LRRC4C: variants seen among roughly 807,000 people sequenced by gnomAD.
LRRC4C encodes leucine rich repeat containing 4C.
Under a neutral mutation model 33.6 loss-of-function variants are expected in LRRC4C, and 5 were observed. The ratio of observed to expected loss-of-function variants is 0.15; its 90% CI spans 0.08 to 0.31. The LOEUF (loss-of-function observed/expected upper bound fraction) is 0.31, where lower values mean the gene tolerates loss of function less well. Ranked by LOEUF, LRRC4C falls within the 10% of genes least tolerant of loss-of-function variation. The probability of loss-of-function intolerance (pLI) is 1.00; values close to 1 mark genes in which losing one functional copy is unlikely to be tolerated. For missense variants in LRRC4C, 560 were observed against 796.7 expected (o/e 0.70, Z 3.58); for synonymous variants, 329 against 302.0 (o/e 1.09, Z -0.93).
At chr11:40,630,961 G>C (rs533349754) in intron 3 of LRRC4C, among the ~76,000 whole-genome samples, 1 of 152,142 alleles carries the variant, frequency 6.6e-6, no homozygotes, top group Non-Finnish European at 1.5e-5. Flanking sequence ...AAATGTAAAA[G>C]AAATTTTATT....
chr11:40,457,642 A>G (rs890144916), intron 3 of LRRC4C, among the ~76,000 whole-genome samples: 16 of 151,630 alleles, frequency 1.1e-4, no homozygotes, highest in African/African-American at 3.4e-4. Flanking sequence ...ATAGTTTAAT[A>G]GCTGCCAGAG....
At chr11:40,829,776 C>G (rs929186194) in intron 2 of LRRC4C, among the ~76,000 whole-genome samples, 1 of 151,990 alleles carries the variant, frequency 6.6e-6, no homozygotes, top group Non-Finnish European at 1.5e-5. Flanking sequence ...CATTATCTAT[C>G]AACCACTGTG....
chr11:41,099,906 T>C (rs1416138374), intron 1 of LRRC4C, among the ~76,000 whole-genome samples: 1 of 152,138 alleles, frequency 6.6e-6, no homozygotes, highest in Non-Finnish European at 1.5e-5. Flanking sequence ...CTATCTCTCT[T>C]TGTAGATGAC....
intron 1 of LRRC4C, among the ~76,000 whole-genome samples, chr11:41,211,829 C>A (rs1946835956): frequency 6.6e-6 from 1 of 152,080 alleles, no homozygotes. Flanking sequence ...GATTTATATT[C>A]CTTTGGGTAT....
intron 2 of LRRC4C, among the ~76,000 whole-genome samples, chr11:40,783,489 A>T (rs1414384940): frequency 1.3e-5 from 2 of 151,698 alleles, no homozygotes; most frequent in African/African-American, 4.8e-5. Flanking sequence ...TTTTATTTTT[A>T]GTAGAAATGA....
At chr11:41,009,845 C>T (rs1855042652) in intron 1 of LRRC4C, among the ~76,000 whole-genome samples, 1 of 151,954 alleles carries the variant, frequency 6.6e-6, no homozygotes, top group Non-Finnish European at 1.5e-5. Context: ...GTCCTAATCC[C>T]CAGGACTTCA....
intron 1 of LRRC4C, among the ~76,000 whole-genome samples, chr11:41,400,663 T>G (rs1464379709): frequency 6.6e-6 from 1 of 151,866 alleles, no homozygotes; most frequent in East Asian, 1.9e-4. Context: ...GAAAATAAGA[T>G]TCACAATACA....
chr11:40,916,360 T>C (rs1323212567), intron 2 of LRRC4C, among the ~76,000 whole-genome samples: 1 of 152,204 alleles, frequency 6.6e-6, no homozygotes, highest in Non-Finnish European at 1.5e-5. Context: ...TGGAATACTA[T>C]GCAGCCATGA....
chr11:41,281,637 A>G lies in LRRC4C; in HGVS notation c.-496+177794T>C, dbSNP rs115184413. On this transcript the variant is annotated intron_variant, in intron 1 of 6. Transcript: ENST00000528697. ...TCATGTGGGAGAGGATTTAAAATTA[A>G]CAATGCCTAAGGTTCATGCCCAAAG... is the stretch of plus-strand genomic sequence containing the variant. Among the ~76,000 whole-genome samples, 1,092 of 152,336 alleles carry G rather than the reference A, an allele frequency of 7.2e-3. 10 individuals are homozygous for G. The highest frequency in any genetic ancestry group is 0.024 in the African/African-American group (1,000 of 41,586).
Position 41,032,590 on chromosome 11 carries a change from G to A in LRRC4C, c.-495-98867C>T, listed in dbSNP as rs557134924. Among the ~76,000 whole-genome samples the A allele has an allele frequency of 2.6e-4, 39 of 151,948 alleles. No homozygotes were observed. In the South Asian group the frequency reaches 4.8e-3, roughly 19 times the overall value. ...TTTTCCAAAATTGGTTCATCAATGG[G>A]TCTGACTGGCCCAATGTCACTTTAT... On this transcript the variant is annotated intron_variant, in intron 1 of 6. Coordinates refer to ENST00000528697, the MANE Select transcript of LRRC4C (RefSeq NM_001258419.2).
intron 3 of LRRC4C, among the ~76,000 whole-genome samples, chr11:40,399,162 A>T (rs141489139): frequency 6.6e-6 from 1 of 152,172 alleles, no homozygotes; most frequent in Non-Finnish European, 1.5e-5. Flanking sequence ...ATACCATCTG[A>T]CCCAGCCATC....
chr11:40,233,829 T>C (rs1450950975), intron 5 of LRRC4C, among the ~76,000 whole-genome samples: 1 of 152,214 alleles, frequency 6.6e-6, no homozygotes, highest in African/African-American at 2.4e-5. Flanking sequence ...GTTCACTTGG[T>C]CTGAAGATTA....
chr11:41,312,005 C>T (rs1950655058), intron 1 of LRRC4C, among the ~76,000 whole-genome samples: 1 of 152,148 alleles, frequency 6.6e-6, no homozygotes, highest in Admixed American at 6.5e-5. Flanking sequence ...ATAGCAAGAG[C>T]TCAAAGACCG....
chr11:40,449,295 T>G (rs937764028), intron 3 of LRRC4C, among the ~76,000 whole-genome samples: 7 of 151,578 alleles, frequency 4.6e-5, no homozygotes, highest in African/African-American at 1.7e-4. Flanking sequence ...TTTTTTGGTT[T>G]CTTTTTGCTA....
chr11:40,528,412 T>C (rs983435361), intron 3 of LRRC4C, among the ~76,000 whole-genome samples: 15 of 151,914 alleles, frequency 9.9e-5, no homozygotes, highest in African/African-American at 3.6e-4. Context: ...ACATCACTAA[T>C]CATTAGCAAA....
intron 1 of LRRC4C, among the ~76,000 whole-genome samples, chr11:41,436,232 C>T: frequency 6.6e-6 from 1 of 152,062 alleles, no homozygotes; most frequent in Admixed American, 6.6e-5. Context: ...TATAGAAGAC[C>T]CAGGAACAGT....
intron 2 of LRRC4C, among the ~76,000 whole-genome samples, chr11:40,817,414 G>A (rs1951751526): frequency 6.6e-6 from 1 of 152,082 alleles, no homozygotes; most frequent in Non-Finnish European, 1.5e-5. Flanking sequence ...AATGATACTG[G>A]GATCTGAAGG....
Position 41,247,947 on chromosome 11 carries a change from C to T in LRRC4C, c.-496+211484G>A, listed in dbSNP as rs1428433829. On this transcript the variant is annotated intron_variant, in intron 1 of 6. Transcript: ENST00000528697. Reference sequence around the variant, plus strand: ...AAAGAGCTCTTTGGACTCTTGATGCCAAACTCAATGTCAAACGATGTCTGA... The same window carrying T: ...AAAGAGCTCTTTGGACTCTTGATGCTAAACTCAATGTCAAACGATGTCTGA... 2.0e-5 allele frequency among the ~76,000 whole-genome samples: 3 copies of T among 152,156 alleles called. No homozygotes were observed. The East Asian group carries it at 5.8e-4, about 30-fold the overall frequency.
intron 2 of LRRC4C, among the ~76,000 whole-genome samples, chr11:40,918,879 T>C (rs1387103712): frequency 6.6e-6 from 1 of 152,146 alleles, no homozygotes; most frequent in Non-Finnish European, 1.5e-5. Context: ...TCTGGGTACT[T>C]AAATCACTTT....
Sources: gnomAD v4.1 joint callset for allele counts (sites outside exome capture counted in the v4.1 genomes callset) on GRCh38, gnomAD v4.1.1 for gene constraint, MANE v1.5 for transcripts, NCBI Gene and HGNC (gene_info 2026-07-23, HGNC 2026-07-21) for gene names.